ERBB4: variants seen among roughly 807,000 people sequenced by gnomAD.
ERBB4 encodes receptor tyrosine-protein kinase erbB-4.
Under a neutral mutation model 158.0 loss-of-function variants are expected in ERBB4, and 42 were observed. The ratio of observed to expected loss-of-function variants is 0.27; its 90% confidence interval spans 0.21 to 0.34. ERBB4 has a LOEUF of 0.34. ERBB4 is among the 10% of genes least tolerant of loss of function. The probability of loss-of-function intolerance (pLI) is 1.00; values close to 1 mark genes in which losing one functional copy is unlikely to be tolerated. For synonymous variants in ERBB4, 583 were observed against 558.7 expected, an observed-to-expected ratio of 1.04 and a Z score of -0.61; for missense variants, 1,333 against 1,624.1, an observed-to-expected ratio of 0.82 and a Z score of 3.08.
At chr2:211,543,307 T>C (rs556557398) in intron 20 of ERBB4, among the ~76,000 whole-genome samples, 1 of 152,158 alleles carries the variant, frequency 6.6e-6, no homozygotes, top group South Asian at 2.1e-4. Flanking sequence ...GTCTTTATTA[T>C]AATTCTCCCT....
intron 1 of ERBB4, among the ~76,000 whole-genome samples, chr2:212,141,516 A>C (rs2125606229): frequency 6.6e-6 from 1 of 151,708 alleles, no homozygotes; most frequent in African/African-American, 2.4e-5. Context: ...TTTTTAAGAT[A>C]GATTTTTTTC....
At position 212,023,017 on chromosome 2, in the gene ERBB4, G is replaced by A. The variant is rs145427271; in HGVS notation, c.235-75401C>T. Among the ~76,000 whole-genome samples the A allele has an allele frequency of 6.0e-3, 913 of 152,024 alleles. 4 individuals are homozygous for A. The highest frequency in any genetic ancestry group is 9.1e-3 in the Non-Finnish European group (616 of 67,958). On this transcript the variant is annotated intron_variant, in intron 2 of 27. Coordinates refer to ENST00000342788, the MANE Select transcript of ERBB4 (RefSeq NM_005235.3). The stretch of plus-strand genomic sequence containing the variant: ...TTGAAGTTCATTTTTTTTTTATTAC[G>A]TTTTTATTTTTTCATTTGCACATAA...
intron 25 of ERBB4, among the ~76,000 whole-genome samples, chr2:211,409,895 G>A (rs1315228403): frequency 6.6e-6 from 1 of 152,058 alleles, no homozygotes; most frequent in Non-Finnish European, 1.5e-5. Flanking sequence ...TGTCTTTAAG[G>A]TCCCTTGCAA....
chr2:211,539,633 T>C (rs1574704496), intron 20 of ERBB4, among the ~76,000 whole-genome samples: 1 of 152,084 alleles, frequency 6.6e-6, no homozygotes, highest in South Asian at 2.1e-4. Flanking sequence ...CTGGAAAGGG[T>C]AGCTCATTTG....
chr2:212,295,801 C>A (rs935712412), intron 1 of ERBB4, among the ~76,000 whole-genome samples: 16 of 151,960 alleles, frequency 1.1e-4, no homozygotes, highest in Non-Finnish European at 2.1e-4. Flanking sequence ...TACATTTGGA[C>A]AATCTTTGAT....
At chr2:212,250,614 T>A (rs1295379741) in intron 1 of ERBB4, among the ~76,000 whole-genome samples, 1 of 151,994 alleles carries the variant, frequency 6.6e-6, no homozygotes, top group African/African-American at 2.4e-5. Context: ...ACCATCTGAA[T>A]TGATAATATT....
intron 1 of ERBB4, among the ~76,000 whole-genome samples, chr2:212,480,162 T>G (rs1014038551): frequency 1.3e-5 from 2 of 152,114 alleles, no homozygotes; most frequent in African/African-American, 2.4e-5. Context: ...TGATAACAAT[T>G]TATAAAAAAT....
At chr2:211,983,652 G>C (rs921829351) in intron 2 of ERBB4, among the ~76,000 whole-genome samples, 1 of 152,078 alleles carries the variant, frequency 6.6e-6, no homozygotes, top group Non-Finnish European at 1.5e-5. Flanking sequence ...GTCATATTTA[G>C]AAATAAAAGA....
intron 1 of ERBB4, among the ~76,000 whole-genome samples, chr2:212,238,677 T>C (rs947054931): frequency 1.3e-5 from 2 of 152,174 alleles, no homozygotes; most frequent in Non-Finnish European, 2.9e-5. Context: ...TCTCACATTT[T>C]CAAATGAGTC....
rs113651000 is a variant in ERBB4, at chr2:212,505,985, C to A, written c.82+32464G>T. ...ATTTTTACAGATTTAGAGCTTGTGG[C>A]AACCCCGCATAGAACAAGTTTGTCA... On this transcript the variant is annotated intron_variant, in intron 1 of 27. Transcript: ENST00000342788. 1.5e-3 allele frequency among the ~76,000 whole-genome samples: 226 copies of A among 148,946 alleles called. 3 individuals are homozygous for A. Among genetic ancestry groups the A allele is most frequent in the Middle Eastern group, 6.8e-3 (2 of 292 alleles).
At chr2:211,897,672 T>G (rs1351563407) in intron 3 of ERBB4, among the ~76,000 whole-genome samples, 1 of 152,068 alleles carries the variant, frequency 6.6e-6, no homozygotes, top group Non-Finnish European at 1.5e-5. Flanking sequence ...TAAAGATACC[T>G]TTTATCTACT....
intron 19 of ERBB4, among the ~76,000 whole-genome samples, chr2:211,569,304 A>G (rs2067644155): frequency 6.6e-6 from 1 of 152,172 alleles, no homozygotes; most frequent in South Asian, 2.1e-4. Context: ...TTACACTGAA[A>G]TTCCATCTTT....
intron 3 of ERBB4, among the ~76,000 whole-genome samples, chr2:211,881,171 C>T (rs2078650658): frequency 2.6e-5 from 4 of 152,064 alleles, no homozygotes; most frequent in Admixed American, 2.6e-4. Flanking sequence ...AAAAACAAAG[C>T]ACATAAAAGC....
In ERBB4 at chr2:212,317,285, G is replaced by C. The variant is rs564647366; in HGVS notation, c.83-192382C>G. On this transcript the variant is annotated intron_variant, in intron 1 of 27. Transcript: ENST00000342788. ...TCTTCATTCAGGTAGGAGAGTAAAA[G>C]AGCTTTGTGATAGTTTAAAAACTTT... Among the ~76,000 whole-genome samples, 14 of 151,560 alleles carry C rather than the reference G, an allele frequency of 9.2e-5. 1 individual carries two copies. Among genetic ancestry groups the C allele is most frequent in the African/African-American group, 3.4e-4 (14 of 41,442 alleles).
chr2:212,426,018 C>G (rs2091904308), intron 1 of ERBB4, among the ~76,000 whole-genome samples: 2 of 151,944 alleles, frequency 1.3e-5, no homozygotes, highest in East Asian at 3.8e-4. Context: ...CATTTATCTT[C>G]AGAAATGTCT....
chr2:211,513,297 G>A (rs2125619246), intron 20 of ERBB4, among the ~76,000 whole-genome samples: 1 of 144,698 alleles, frequency 6.9e-6, no homozygotes, highest in African/African-American at 2.5e-5. Context: ...CTTGCAGTGA[G>A]CCGAGATTGC....
At chr2:212,374,019 T>G (rs1006627944) in intron 1 of ERBB4, among the ~76,000 whole-genome samples, 1 of 124,678 alleles carries the variant, frequency 8.0e-6, no homozygotes, top group Admixed American at 9.0e-5. Flanking sequence ...TCCATATATA[T>G]CCATATATAT....
At chr2:211,764,602 C>T (rs1333007353) in intron 4 of ERBB4, among the ~76,000 whole-genome samples, 1 of 152,184 alleles carries the variant, frequency 6.6e-6, no homozygotes, top group Non-Finnish European at 1.5e-5. Flanking sequence ...AATTTAATAA[C>T]TTGCCCAAGA....
intron 3 of ERBB4, among the ~76,000 whole-genome samples, chr2:211,851,142 A>G (rs1017271524): frequency 3.3e-5 from 5 of 151,984 alleles, no homozygotes; most frequent in African/African-American, 1.2e-4. Flanking sequence ...TGTTTTGAAT[A>G]AAAATTGAAA....
Sources: allele counts gnomAD v4.1 joint callset (sites outside exome capture counted in the v4.1 genomes callset), GRCh38; gene constraint gnomAD v4.1.1; transcripts MANE v1.5; gene names NCBI Gene and HGNC (gene_info 2026-07-23, HGNC 2026-07-21).